Variants in GPRIN1 observed in about 807,000 individuals in gnomAD.
The protein encoded by GPRIN1 is G protein regulated inducer of neurite outgrowth 1, also known as G protein-regulated inducer of neurite outgrowth 1.
GPRIN1 carries 4 observed loss-of-function variants against 2.8 expected under a neutral mutation model. The ratio of observed to expected loss-of-function variants is 1.45; its 90% CI spans 0.71 to 3.32. The LOEUF (loss-of-function observed/expected upper bound fraction) is 3.32, where lower values mean the gene tolerates loss of function less well. GPRIN1 is among the 30% of genes most tolerant of loss of function. The pLI, the probability that GPRIN1 is intolerant of heterozygous loss-of-function variation, is 0.01. For synonymous variants in GPRIN1, 589 were observed against 589.9 expected (o/e 1.00, Z 0.02); for missense variants, 1,322 against 1,343.4 (o/e 0.98, Z 0.25).
rs1759091641 is a variant in GPRIN1, at chr5:176,598,561, T to A, written c.1274A>T (p.Asp425Val). ...CTCTGGCTTTCCTGAGCACATGGGG[T>A]CCATCTTTCCCAGAGAAACTGGATC... Reference protein sequence around the residue: ...KVDPVSLGKMDPMCSGKPELL... With the variant: ...KVDPVSLGKMVPMCSGKPELL... Residue 425 changes from aspartate (D) to valine (V), a missense_variant, in exon 2 of 2, where the codon GAC (aspartate) becomes GTC (valine). Transcript: ENST00000303991. 1 of 1,613,964 alleles carries A rather than the reference T, an allele frequency of 6.2e-7. No individual in the cohort carries two copies. Among genetic ancestry groups the A allele is most frequent in the Non-Finnish European group, 8.5e-7 (1 of 1,180,022 alleles).
At chr5:176,605,572 G>C (rs1030964757) in intron 1 of GPRIN1, among the ~76,000 whole-genome samples, 1 of 152,140 alleles carries the variant, frequency 6.6e-6, no homozygotes, top group Non-Finnish European at 1.5e-5. Flanking sequence ...GGAAGTCAAG[G>C]TGGGATGACT....
intron 1 of GPRIN1, among the ~76,000 whole-genome samples, chr5:176,601,857 C>G (rs758444029): frequency 5.3e-5 from 8 of 152,220 alleles, no homozygotes; most frequent in Non-Finnish European, 1.2e-4. Flanking sequence ...CCCCCACCAT[C>G]TCTCACCTGG....
rs1173962096 is a variant in GPRIN1 at position 176,597,383 on chromosome 5, C to CGCCCGCCTGAGT, written c.2440_2451dup (p.Thr814_Gly817dup). The stretch of plus-strand genomic sequence containing the variant: ...ACGGCCACTGAGACGCAGGCCTGCG[C>CGCCCGCCTGAGT]GCCCGCCTGAGTGCCCGCGTCCTCG... On this transcript the variant is annotated inframe_insertion, in exon 2 of 2. Transcript: ENST00000303991. This position sits in a 1 kb window ranked among gnomAD's most constrained non-coding sequence, Gnocchi z 6.1. The CGCCCGCCTGAGT allele has an allele frequency of 2.3e-6, 3 of 1,280,600 alleles. No homozygotes were observed. The highest frequency in any genetic ancestry group is 2.9e-6 in the Non-Finnish European group (3 of 1,017,930). The allele number at this position is 1,280,600 out of a possible 1,614,324, so 79.3% of individuals were successfully genotyped here.
chr5:176,597,149 C>G lies in GPRIN1; in HGVS notation c.2686G>C (p.Ala896Pro), dbSNP rs770595057. The G allele has an allele frequency of 9.1e-6, 13 of 1,424,180 alleles. No individual in the cohort carries two copies. Among genetic ancestry groups the G allele is most frequent in the Non-Finnish European group, 1.2e-5 (13 of 1,085,430 alleles). 88.2% of individuals were successfully genotyped at this position (1,424,180 alleles called of 1,614,324 possible). Residue 896 changes from alanine (A) to proline (P), a missense_variant, in exon 2 of 2, where the codon GCG (alanine) becomes CCG (proline). Ala to Pro is a conservative substitution (Grantham distance 27). This residue lies in a region of GPRIN1 where 196 missense variants were observed against 189.2 expected (regional missense o/e 1.04). Coordinates refer to ENST00000303991, the MANE Select transcript of GPRIN1 (RefSeq NM_052899.3). The surrounding 1 kb of genome is among the most constrained non-coding windows in gnomAD (Gnocchi z 6.1). ...FPEVRVRPGS[A>P]LAAAVAPPEP... ...GGGGGCGCTACAGCGGCCGCCAGCG[C>G]TGAGCCGGGCCGCACCCGCACTTCG...
At chr5:176,600,208 C>A (rs757204828) in intron 1 of GPRIN1, among the ~76,000 whole-genome samples, 6 of 152,180 alleles carry the variant, frequency 3.9e-5, no homozygotes, top group Non-Finnish European at 8.8e-5. Context: ...GCAACCGCAA[C>A]CTCCGCCTCC....
chr5:176,597,904 C>G lies in GPRIN1; in HGVS notation c.1931G>C (p.Gly644Ala), dbSNP rs1759076130. ...CCCTGGTGCTGCAGCGCCCTCTTGC[C>G]CAGGGAGCTTTGTTTCTGCTTTGCC... ...SGGKAETKLP[G>A]QEGAAAPGEA... Residue 644 changes from glycine to alanine, a missense_variant, in exon 2 of 2, where the codon GGG becomes GCG. This residue lies in a region of GPRIN1 where 1,117 missense variants were observed against 1,128.6 expected (regional missense o/e 0.99). Coordinates refer to ENST00000303991, the MANE Select transcript of GPRIN1 (RefSeq NM_052899.3). This position sits in a 1 kb window ranked among gnomAD's most constrained non-coding sequence, Gnocchi z 6.1. 6.2e-7 allele frequency: 1 copy of G among 1,613,872 alleles called. No homozygotes were observed. The highest frequency in any genetic ancestry group is 8.5e-7 in the Non-Finnish European group (1 of 1,179,994).
rs1243907037 is a variant in GPRIN1, at chr5:176,596,828, C to T, written c.3007G>A (p.Ala1003Thr). 2.8e-6 allele frequency: 4 copies of T among 1,415,240 alleles called. No individual in the cohort carries two copies. Among genetic ancestry groups the T allele is most frequent in the Non-Finnish European group, 3.7e-6 (4 of 1,082,274 alleles). 87.7% of individuals were successfully genotyped at this position (1,415,240 alleles called of 1,614,324 possible). A position where few individuals can be genotyped will look rare whatever the true frequency, so the allele number is the denominator to read the frequency against. Residue 1003 changes from alanine (A) to threonine (T), a missense_variant, in exon 2 of 2, where the codon GCG becomes ACG. Ala to Thr is a moderately conservative substitution (Grantham distance 58). Transcript: ENST00000303991. This position sits in a 1 kb window ranked among gnomAD's most constrained non-coding sequence, Gnocchi z 5.2. ...SVRRPRCCSR[A>T]GPTAE ...GCAGATCACTCGGCCGTGGGTCCCG[C>T]CCGCGAGCAGCACCGCGGCCGGCGC...
rs1190308589 is a variant in GPRIN1 at position 176,595,861 on chromosome 5, T to C, written c.*947A>G. The C allele has an allele frequency of 1.9e-6, 1 of 534,974 alleles. No individual in the cohort carries two copies. Among genetic ancestry groups the C allele is most frequent in the Non-Finnish European group, 3.1e-6 (1 of 327,624 alleles). 33.1% of individuals were successfully genotyped at this position (534,974 alleles called of 1,614,324 possible). On this transcript the variant is annotated 3_prime_UTR_variant, in exon 2 of 2. Transcript: ENST00000303991. ...ACAGTTTGTAGCCAAAAACTGCGGCTGGAGGGGTGGGGACGGGACACTGAG... is the reference window on the plus strand; with the variant it reads ...ACAGTTTGTAGCCAAAAACTGCGGCCGGAGGGGTGGGGACGGGACACTGAG...
Position 176,596,769 on chromosome 5 carries a change from G to A in GPRIN1, c.*39C>T, listed in dbSNP as rs1759040733. 3 of 1,392,614 alleles carry A rather than the reference G, an allele frequency of 2.2e-6. No individual in the cohort carries two copies. Among genetic ancestry groups the A allele is most frequent in the Admixed American group, 5.4e-5 (2 of 37,210 alleles). 86.3% of individuals were successfully genotyped at this position (1,392,614 alleles called of 1,614,324 possible). ...GGGCCTGTGATCAAGAAGGGAGCCT[G>A]AGAAGGTCGGAAACTCGGGCGTACA... On this transcript the variant is annotated 3_prime_UTR_variant, in exon 2 of 2. Coordinates refer to ENST00000303991, the MANE Select transcript of GPRIN1 (RefSeq NM_052899.3). The surrounding 1 kb of genome is among the most constrained non-coding windows in gnomAD (Gnocchi z 5.2).
chr5:176,596,877 C>A lies in GPRIN1; in HGVS notation c.2958G>T (p.Leu986=), dbSNP rs921335772. Residue 986 remains leucine (L), a synonymous_variant, in exon 2 of 2, where the codon CTG becomes CTT. Transcript: ENST00000303991. This position sits in a 1 kb window ranked among gnomAD's most constrained non-coding sequence, Gnocchi z 5.2. The stretch of plus-strand genomic sequence containing the variant: ...GCACACTCTGCAGCAGCGCGCGGAA[C>A]AGGCCGGGCGGACGCTTGGCGGCGC... ...PDGAAKRPPG[L]FRALLQSVRR... is the part of the protein sequence containing the mutation. 1 of 1,335,296 alleles carries A rather than the reference C, an allele frequency of 7.5e-7. No individual in the cohort carries two copies. The highest frequency in any genetic ancestry group is 1.5e-5 in the African/African-American group (1 of 66,692). 82.7% of individuals were successfully genotyped at this position (1,335,296 alleles called of 1,614,324 possible).
intron 1 of GPRIN1, among the ~76,000 whole-genome samples, chr5:176,609,055 A>AT (rs1759269181): frequency 6.6e-6 from 1 of 152,206 alleles, no homozygotes; most frequent in Non-Finnish European, 1.5e-5. Context: ...CAGACCATGC[A>AT]TACATACATA....
Position 176,598,675 on chromosome 5 carries a change from G to A in GPRIN1, c.1160C>T (p.Pro387Leu). ...CGTAGTATCCGTGTGGCCAGACACAGGACGCCCCTCTCCTGAGGAGGCAGG... is the reference window on the plus strand; with the variant it reads ...CGTAGTATCCGTGTGGCCAGACACAAGACGCCCCTCTCCTGAGGAGGCAGG... ...MDPASSGEGR[P>L]VSGHTDTTAS... Residue 387 changes from proline to leucine, a missense_variant, in exon 2 of 2, where the codon CCT becomes CTT. Around this residue, in one of 3 missense-constraint regions of GPRIN1, gnomAD observed 1,117 missense variants for 1,128.6 expected, o/e 0.99. Coordinates refer to ENST00000303991, the MANE Select transcript of GPRIN1 (RefSeq NM_052899.3). 6.2e-7 allele frequency: 1 copy of A among 1,614,140 alleles called. No homozygotes were observed. Among genetic ancestry groups the A allele is most frequent in the Non-Finnish European group, 8.5e-7 (1 of 1,180,028 alleles).
intron 1 of GPRIN1, among the ~76,000 whole-genome samples, chr5:176,607,224 G>A (rs916140464): frequency 1.3e-5 from 2 of 152,186 alleles, no homozygotes; most frequent in Admixed American, 6.5e-5. Flanking sequence ...CCTGGATCTT[G>A]GGGAGGCCTG....
chr5:176,607,715 G>A (rs967299485), intron 1 of GPRIN1, among the ~76,000 whole-genome samples: 2 of 151,944 alleles, frequency 1.3e-5, no homozygotes, highest in African/African-American at 4.8e-5. Flanking sequence ...TTTCACAGAT[G>A]AGGCCACTGA....
In GPRIN1 at chr5:176,598,380, T is replaced by C. The variant is rs766704444; in HGVS notation, c.1455A>G (p.Gly485=). Residue 485 remains glycine (G), a synonymous_variant, in exon 2 of 2, where the codon GGA becomes GGG. Coordinates refer to ENST00000303991, the MANE Select transcript of GPRIN1 (RefSeq NM_052899.3). ...SSEKVNPESS[G]KTNPVSSGPG... The stretch of plus-strand genomic sequence containing the variant: ...GACCTGAAGACACAGGGTTTGTCTT[T>C]CCTGAAGACTCAGGATTCACTTTTT... 4.3e-6 allele frequency: 7 copies of C among 1,613,888 alleles called. No homozygotes were observed. The African/African-American group carries it at 9.3e-5, about 22-fold the overall frequency.
rs1170447528 is a variant in GPRIN1, at chr5:176,597,812, A to G, written c.2023T>C (p.Cys675Arg). The G allele has an allele frequency of 3.1e-6, 5 of 1,606,268 alleles. No individual in the cohort carries two copies. The highest frequency in any genetic ancestry group is 3.4e-6 in the Non-Finnish European group (4 of 1,176,256). ...QASEKVDPGS[C>R]RKAEPLASGK... ...GAGGCAAGGGGCTCTGCTTTTCTGC[A>G]GGATCCAGGATCCACCTTCTCTGAG... Residue 675 changes from cysteine to arginine, a missense_variant, in exon 2 of 2, where the codon TGC becomes CGC. Around this residue, in one of 3 missense-constraint regions of GPRIN1, gnomAD observed 1,117 missense variants for 1,128.6 expected, o/e 0.99. Transcript: ENST00000303991. The surrounding 1 kb of genome is among the most constrained non-coding windows in gnomAD (Gnocchi z 6.1).
intron 1 of GPRIN1, among the ~76,000 whole-genome samples, chr5:176,604,984 T>C (rs1278118351): frequency 1.3e-5 from 2 of 152,118 alleles, no homozygotes; most frequent in African/African-American, 4.8e-5. Flanking sequence ...TTGCCTACCT[T>C]GGCCTCCCAA....
rs1759051546 is a variant in GPRIN1, at chr5:176,597,125, G to T, written c.2710C>A (p.Pro904Thr). The T allele has an allele frequency of 2.7e-6, 4 of 1,472,078 alleles. No individual in the cohort carries two copies. The South Asian group carries it at 4.0e-5, about 15-fold the overall frequency. 91.2% of individuals were successfully genotyped at this position (1,472,078 alleles called of 1,614,324 possible). A position where few individuals can be genotyped will look rare whatever the true frequency, so the allele number is the denominator to read the frequency against. The change falls in exon 2 of 2, where the codon CCG becomes ACG. Residue 904 changes from proline to threonine, a missense_variant. Pro to Thr is a conservative substitution (Grantham distance 38, BLOSUM62 -1). Around this residue, in one of 3 missense-constraint regions of GPRIN1, gnomAD observed 196 missense variants for 189.2 expected, o/e 1.04. Transcript: ENST00000303991. This position sits in a 1 kb window ranked among gnomAD's most constrained non-coding sequence, Gnocchi z 6.1. ...TCTCGCACGGGCTCAGCCGGCTCCGGGGGCGCTACAGCGGCCGCCAGCGCT... is the reference window on the plus strand; with the variant it reads ...TCTCGCACGGGCTCAGCCGGCTCCGTGGGCGCTACAGCGGCCGCCAGCGCT... ...GSALAAAVAPPEPAEPVRDVS... is the reference protein window; with the variant it reads ...GSALAAAVAPTEPAEPVRDVS...
At position 176,596,423 on chromosome 5, in the gene GPRIN1, G is replaced by A. The variant is rs1759034735; in HGVS notation, c.*385C>T. ...TTGTATGCAGTCTCTCCCTGTTCTGGGGATCTGGCCCCACCGGAGACCACA... is the reference window on the plus strand; with the variant it reads ...TTGTATGCAGTCTCTCCCTGTTCTGAGGATCTGGCCCCACCGGAGACCACA... On this transcript the variant is annotated 3_prime_UTR_variant, in exon 2 of 2. Coordinates refer to ENST00000303991, the MANE Select transcript of GPRIN1 (RefSeq NM_052899.3). The surrounding 1 kb of genome is among the most constrained non-coding windows in gnomAD (Gnocchi z 5.2). 1 of 156,344 alleles carries A rather than the reference G, an allele frequency of 6.4e-6. No individual in the cohort carries two copies. The highest frequency in any genetic ancestry group is 1.4e-5 in the Non-Finnish European group (1 of 71,006). 9.7% of individuals were successfully genotyped at this position (156,344 alleles called of 1,614,324 possible).
Sources: allele counts gnomAD v4.1 joint callset (sites outside exome capture counted in the v4.1 genomes callset), GRCh38; gene constraint gnomAD v4.1.1; regional missense constraint gnomAD v4.1.1; non-coding constraint Gnocchi (gnomAD v3.1); transcripts MANE v1.5; gene names NCBI Gene and HGNC (gene_info 2026-07-23, HGNC 2026-07-21).